COL24A1: variants seen among roughly 807,000 people sequenced by gnomAD.
COL24A1 encodes collagen alpha-1(XXIV) chain.
Under a neutral mutation model 253.9 loss-of-function variants are expected in COL24A1, and 224 were observed. The ratio of observed to expected loss-of-function variants is 0.88; its 90% CI spans 0.79 to 0.99. The LOEUF is 0.99. COL24A1 is among the 50% of genes least tolerant of loss of function. COL24A1 has a pLI of 0.00. For synonymous variants in COL24A1, 685 were observed against 673.7 expected, an observed-to-expected ratio of 1.02 and a Z score of -0.26; for missense variants, 2,131 against 2,068.5, an observed-to-expected ratio of 1.03 and a Z score of -0.59.
intron 55 of COL24A1, 22 bp from the exon 56 acceptor site, chr1:85,745,528 G>C: frequency 6.3e-7 from 1 of 1,588,448 alleles, no homozygotes; most frequent in Non-Finnish European, 8.6e-7. Context: ...AAAACCATTT[G>C]AGATTAGCAA....
chr1:85,854,946 C>G (rs775958244), intron 37 of COL24A1, among the ~76,000 whole-genome samples: 6 of 152,094 alleles, frequency 3.9e-5, no homozygotes, highest in Non-Finnish European at 8.8e-5. Context: ...GCGTGTTCCA[C>G]CTGCCTCGGC....
intron 37 of COL24A1, among the ~76,000 whole-genome samples, chr1:85,851,115 C>T (rs551644475): frequency 1.3e-3 from 200 of 151,598 alleles, no homozygotes; most frequent in Non-Finnish European, 2.2e-3. Context: ...CAATCATTGT[C>T]TTGAATTTTA....
At chr1:86,091,533 T>C (rs1703489495) in intron 6 of COL24A1, among the ~76,000 whole-genome samples, 1 of 152,144 alleles carries the variant, frequency 6.6e-6, no homozygotes, top group Non-Finnish European at 1.5e-5. Flanking sequence ...ATATTACATT[T>C]ATAAAGTGCC....
At chr1:85,874,809 G>A (rs527426031) in intron 34 of COL24A1, 107 bp from the exon 35 acceptor site, 9 of 1,225,438 alleles carry the variant, frequency 7.3e-6, no homozygotes, top group Middle Eastern at 2.9e-4. Context: ...GCCGTAGAGG[G>A]TACCTGTCCA....
intron 2 of COL24A1, among the ~76,000 whole-genome samples, chr1:86,144,397 T>C (rs1651580602): frequency 6.6e-6 from 1 of 152,140 alleles, no homozygotes; most frequent in Admixed American, 6.5e-5. Flanking sequence ...AAACTCATAA[T>C]GCCAGTGGCT....
At chr1:85,877,491 T>C (rs1681318226) in intron 32 of COL24A1, among the ~76,000 whole-genome samples, 1 of 151,758 alleles carries the variant, frequency 6.6e-6, no homozygotes, top group African/African-American at 2.4e-5. Context: ...GCCTCCCAAG[T>C]AGCTGGGATT....
intron 14 of COL24A1, among the ~76,000 whole-genome samples, chr1:86,027,652 C>A (rs2101447058): frequency 6.6e-6 from 1 of 152,318 alleles, no homozygotes; most frequent in East Asian, 1.9e-4. Flanking sequence ...AGGGGTGACA[C>A]CCTCATGGAG....
In COL24A1 at chr1:85,856,614, T is replaced by A. The variant is rs191476922; in HGVS notation, c.3301-7208A>T. Among the ~76,000 whole-genome samples the A allele has an allele frequency of 1.1e-4, 16 of 152,326 alleles. No homozygotes were observed. In the East Asian group the frequency reaches 2.7e-3, roughly 26 times the overall value. On this transcript the variant is annotated intron_variant, in intron 37 of 59. Coordinates refer to ENST00000370571, the MANE Select transcript of COL24A1 (RefSeq NM_152890.7). ...GCTCTTTGCATTTGTATTTGGTATG[T>A]TAAACTTTACGCGTCCAAAACCAAA...
At chr1:85,888,838 C>A (rs752576323) in intron 32 of COL24A1, among the ~76,000 whole-genome samples, 3 of 152,024 alleles carry the variant, frequency 2.0e-5, no homozygotes, top group Non-Finnish European at 4.4e-5. Context: ...ATACAAAAGC[C>A]ACCTGTAAAC....
chr1:85,852,171 T>C (rs1239228294), intron 37 of COL24A1, among the ~76,000 whole-genome samples: 1 of 152,194 alleles, frequency 6.6e-6, no homozygotes, highest in Non-Finnish European at 1.5e-5. Context: ...GATAACCAAT[T>C]GTACTGGTAT....
chr1:86,138,655 T>G (rs1424235581), intron 2 of COL24A1, among the ~76,000 whole-genome samples: 1 of 152,164 alleles, frequency 6.6e-6, no homozygotes, highest in South Asian at 2.1e-4. Flanking sequence ...TATATGGAAC[T>G]GTAAGTCCAC....
Position 85,775,684 on chromosome 1 carries a change from C to A in COL24A1, c.4364G>T (p.Arg1455Ile). ...RTGPRGEKGF[R>I]GETGPQGPRG... ...TTTAGTTAAACTTACAGTTTCACCT[C>A]TAAAGCCCTTTTCACCTCTGGGTCC... Residue 1455 changes from arginine (R) to isoleucine (I), a missense_variant, in exon 53 of 60, where the codon AGA becomes ATA. Transcript: ENST00000370571. 1 of 1,607,742 alleles carries A rather than the reference C, an allele frequency of 6.2e-7. No homozygotes were observed.
chr1:86,094,092 A>G (rs190122386), intron 5 of COL24A1, among the ~76,000 whole-genome samples: 121 of 152,196 alleles, frequency 8.0e-4, no homozygotes, highest in African/African-American at 2.8e-3. Context: ...AATTCCTCAA[A>G]GACCTAGAGA....
intron 57 of COL24A1, among the ~76,000 whole-genome samples, chr1:85,737,828 TGTTGGGATTACA>T (rs1440807218): frequency 1.4e-5 from 2 of 141,770 alleles, no homozygotes; most frequent in African/African-American, 4.9e-5. Flanking sequence ...CCTCCCAAAG[TGTTGGGATTACA>T]GGCGTGAGCC....
intron 47 of COL24A1, among the ~76,000 whole-genome samples, chr1:85,797,315 A>G (rs1024450461): frequency 6.6e-6 from 1 of 152,080 alleles, no homozygotes; most frequent in African/African-American, 2.4e-5. Flanking sequence ...CTTTGGAGAG[A>G]AAGAAAGACA....
At chr1:85,985,111 T>A in intron 20 of COL24A1, among the ~76,000 whole-genome samples, 1 of 151,882 alleles carries the variant, frequency 6.6e-6, no homozygotes, top group African/African-American at 2.4e-5. Flanking sequence ...TCAGAAGTTA[T>A]AATACATAAA....
At chr1:85,900,409 A>C (rs1055269992) in intron 28 of COL24A1, among the ~76,000 whole-genome samples, 9 of 152,044 alleles carry the variant, frequency 5.9e-5, no homozygotes, top group Non-Finnish European at 1.2e-4. Context: ...GAAGCTGAGG[A>C]GGGAGGATCA....
chr1:85,800,678 G>A (rs1187221566), intron 47 of COL24A1, among the ~76,000 whole-genome samples: 6 of 152,114 alleles, frequency 3.9e-5, no homozygotes, highest in African/African-American at 9.7e-5. Context: ...TGATGCAACC[G>A]TCATCCCTGG....
intron 24 of COL24A1, among the ~76,000 whole-genome samples, chr1:85,947,532 T>G (rs1689448000): frequency 2.0e-5 from 3 of 152,226 alleles, no homozygotes; most frequent in Admixed American, 2.0e-4. Flanking sequence ...GTTGGACTTC[T>G]CCTGTAAGTA....
Sources: gnomAD v4.1 joint callset for allele counts (sites outside exome capture counted in the v4.1 genomes callset) on GRCh38, gnomAD v4.1.1 for gene constraint, MANE v1.5 for transcripts, NCBI Gene and HGNC (gene_info 2026-07-23, HGNC 2026-07-21) for gene names.